The following AGR2 variants were observed in gnomAD, a reference collection of about 807,000 sequenced individuals.
The protein encoded by AGR2 is anterior gradient protein 2 homolog.
Under a neutral mutation model 25.9 loss-of-function variants are expected in AGR2, and 27 were observed. The ratio of observed to expected loss-of-function variants is 1.04; its 90% CI spans 0.77 to 1.44. AGR2 has a LOEUF of 1.44. Ranked by LOEUF, AGR2 falls within the 40% of genes most tolerant of loss-of-function variation. The pLI, the probability that AGR2 is intolerant of heterozygous loss-of-function variation, is 0.00. For synonymous variants in AGR2, 78 were observed against 72.0 expected (o/e 1.08, Z -0.42); for missense variants, 182 against 200.9 (o/e 0.91, Z 0.57).
At chr7:16,795,151 G>T in intron 6 of AGR2, 132 bp from the exon 7 acceptor site, 2 of 968,174 alleles carry the variant, frequency 2.1e-6, no homozygotes, top group South Asian at 2.9e-5. Context: ...ACTCACAGGA[G>T]CTCTGATCCA....
At chr7:16,795,137 C>G (rs1785023016) in intron 6 of AGR2, 118 bp from the exon 7 acceptor site, 4 of 1,103,568 alleles carry the variant, frequency 3.6e-6, no homozygotes, top group Non-Finnish European at 5.3e-6. Flanking sequence ...TGGAGTGTGT[C>G]TGCACTCACA....
chr7:16,801,226 A>C, intron 3 of AGR2, 23 bp from the exon 4 acceptor site: 1 of 1,612,992 alleles, frequency 6.2e-7, no homozygotes, highest in Non-Finnish European at 8.5e-7. Context: ...GAGATTAGAC[A>C]AATTTTAATG....
chr7:16,803,210 G>A (rs1785179640), intron 1 of AGR2: 1 of 152,182 alleles, frequency 6.6e-6, no homozygotes. Flanking sequence ...CCTATGAAAA[G>A]GAAAGTACAT....
rs755447979 is a variant in AGR2, at chr7:16,799,837, C to T, written c.257-20G>A. ...TTAAAGCTATAATATAAAGAAAAATCATTAAGCATCCATCTTAGCATTGGT... is the reference window on the plus strand; with the variant it reads ...TTAAAGCTATAATATAAAGAAAAATTATTAAGCATCCATCTTAGCATTGGT... On this transcript the variant is annotated intron_variant, in intron 4 of 7. Coordinates refer to ENST00000419304, the MANE Select transcript of AGR2 (RefSeq NM_006408.4). 1 of 1,513,496 alleles carries T rather than the reference C, an allele frequency of 6.6e-7. No homozygotes were observed. Among genetic ancestry groups the T allele is most frequent in the African/African-American group, 1.4e-5 (1 of 72,528 alleles). The allele number at this position is 1,513,496 out of a possible 1,614,324, so 93.8% of individuals were successfully genotyped here. A position where few individuals can be genotyped will look rare whatever the true frequency, so the allele number is the denominator to read the frequency against.
chr7:16,794,986 C>T lies in AGR2; in HGVS notation c.428G>A (p.Gly143Glu), dbSNP rs923936131. 9.3e-6 allele frequency: 15 copies of T among 1,614,122 alleles called. No homozygotes were observed. The highest frequency in any genetic ancestry group is 2.2e-5 in the South Asian group (2 of 91,078). The change falls in exon 7 of 8, where the codon GGA (glycine) becomes GAA (glutamate). Residue 143 changes from glycine (G) to glutamate (E), a missense_variant. Coordinates refer to ENST00000419304, the MANE Select transcript of AGR2 (RefSeq NM_006408.4). ...PSLTVRADIT[G>E]RYSNRLYAYE... Reference sequence around the variant, plus strand: ...AGCATAGAGACGATTTGAATATCTTCCAGTGATATCGGCTCTAACTGTCAG... The same window carrying T: ...AGCATAGAGACGATTTGAATATCTTTCAGTGATATCGGCTCTAACTGTCAG...
intron 6 of AGR2, among the ~76,000 whole-genome samples, chr7:16,796,318 C>T (rs1785044857): frequency 1.3e-5 from 2 of 152,236 alleles, no homozygotes; most frequent in Admixed American, 6.5e-5. Flanking sequence ...TATGAACAGA[C>T]ATCTATAAAT....
chr7:16,793,187 T>G (rs959592495), intron 7 of AGR2, among the ~76,000 whole-genome samples: 1 of 152,110 alleles, frequency 6.6e-6, no homozygotes, highest in African/African-American at 2.4e-5. Flanking sequence ...TAGCTGGGAT[T>G]AGAGGTGTGC....
intron 6 of AGR2, 65 bp from the exon 7 acceptor site, chr7:16,795,084 C>G (rs2115352303): frequency 6.4e-7 from 1 of 1,551,658 alleles, no homozygotes; most frequent in South Asian, 1.1e-5. Context: ...GTATTTATTG[C>G]CCCGGGGAGC....
chr7:16,794,775 G>T (rs1040270873), intron 7 of AGR2, 161 bp downstream of exon 7: 2 of 1,495,608 alleles, frequency 1.3e-6, no homozygotes, highest in Admixed American at 2.4e-5. Context: ...TGGAAAGAGT[G>T]TGATTTGCCT....
Position 16,794,729 on chromosome 7 carries a change from A to T in AGR2, c.478+207T>A. 4 of 1,308,526 alleles carry T rather than the reference A, an allele frequency of 3.1e-6. No individual in the cohort carries two copies. The South Asian group carries it at 6.3e-5, about 21-fold the overall frequency. The allele number at this position is 1,308,526 out of a possible 1,614,324, so 81.1% of individuals were successfully genotyped here. A position where few individuals can be genotyped will look rare whatever the true frequency, so the allele number is the denominator to read the frequency against. On this transcript the variant is annotated intron_variant, in intron 7 of 7. Transcript: ENST00000419304. ...AAAAGATACCTAATCTAAATAATTC[A>T]TCTTCAATTGAGATTAAAAACAAAC...
chr7:16,799,960 T>A, intron 4 of AGR2, 143 bp from the exon 5 acceptor site: 4 of 611,532 alleles, frequency 6.5e-6, no homozygotes, highest in South Asian at 6.4e-5. Flanking sequence ...AGCAAATGAT[T>A]AGTGAAGTAA....
At chr7:16,802,807 A>G (rs1020526373) in intron 1 of AGR2, among the ~76,000 whole-genome samples, 1 of 152,170 alleles carries the variant, frequency 6.6e-6, no homozygotes, top group African/African-American at 2.4e-5. Context: ...GAAAATAGAT[A>G]TACATACTCT....
chr7:16,794,773 G>A, intron 7 of AGR2, 163 bp downstream of exon 7: 2 of 1,491,916 alleles, frequency 1.3e-6, no homozygotes, highest in African/African-American at 1.4e-5. Flanking sequence ...GATGGAAAGA[G>A]TGTGATTTGC....
intron 5 of AGR2, 53 bp downstream of exon 5, chr7:16,799,691 T>G (rs1256769659): frequency 1.5e-6 from 2 of 1,336,162 alleles, no homozygotes; most frequent in East Asian, 4.6e-5. Flanking sequence ...GAATCATCCA[T>G]TTCAAGTAAT....
chr7:16,804,019 C>A (rs778248565), intron 1 of AGR2, among the ~76,000 whole-genome samples: 65 of 152,170 alleles, frequency 4.3e-4, no homozygotes, highest in Admixed American at 1.2e-3. Flanking sequence ...TAGGACCTTG[C>A]AGTATCTCCA....
intron 1 of AGR2, among the ~76,000 whole-genome samples, chr7:16,803,480 A>G (rs1785182958): frequency 6.6e-6 from 1 of 152,208 alleles, no homozygotes; most frequent in Non-Finnish European, 1.5e-5. Flanking sequence ...ATAATCTAAT[A>G]TCTTGAGTGG....
intron 6 of AGR2, 73 bp from the exon 7 acceptor site, chr7:16,795,092 A>G: frequency 6.6e-7 from 1 of 1,524,188 alleles, no homozygotes. Context: ...TGCCCCGGGG[A>G]GCTGAAGTTC....
At chr7:16,793,816 C>G (rs1785000211) in intron 7 of AGR2, among the ~76,000 whole-genome samples, 1 of 152,192 alleles carries the variant, frequency 6.6e-6, no homozygotes. Context: ...AACAGCAATT[C>G]ATCAAAATGA....
At chr7:16,801,829 A>T in intron 1 of AGR2, 26 bp from the exon 2 acceptor site, 1 of 1,591,378 alleles carries the variant, frequency 6.3e-7, no homozygotes, top group Non-Finnish European at 8.6e-7. Flanking sequence ...AACCAAAATC[A>T]GTAAACAAAA....
Sources: gnomAD v4.1 joint callset for allele counts (sites outside exome capture counted in the v4.1 genomes callset) on GRCh38, gnomAD v4.1.1 for gene constraint, MANE v1.5 for transcripts, NCBI Gene and HGNC (gene_info 2026-07-23, HGNC 2026-07-21) for gene names.